PLCB4: variants seen among roughly 807,000 people sequenced by gnomAD.
PLCB4 encodes 1-phosphatidylinositol 4,5-bisphosphate phosphodiesterase beta-4.
Under a neutral mutation model 178.8 loss-of-function variants are expected in PLCB4, and 77 were observed. That is an observed-to-expected ratio of 0.43 (90% CI 0.36 to 0.52). PLCB4 has a LOEUF of 0.52. Ranked by LOEUF, PLCB4 falls within the 20% of genes least tolerant of loss-of-function variation. PLCB4 has a pLI of 0.00. For missense variants in PLCB4, 1,024 were observed against 1,453.4 expected (o/e 0.70, Z 4.80); for synonymous variants, 496 against 490.8 (o/e 1.01, Z -0.14).
rs576181773 is a variant in PLCB4, at chr20:9,228,918, C to G, written c.-16+11466C>G. ...TGAGAAGCAGATTCCTAAGAGGCAG[C>G]TGATATCAACAGGCCTGACTCGGGC... On this transcript the variant is annotated intron_variant, in intron 3 of 39. Coordinates refer to ENST00000378473, the MANE Select transcript of PLCB4 (RefSeq NM_001377142.1). Among the ~76,000 whole-genome samples the G allele has an allele frequency of 2.0e-5, 3 of 152,278 alleles. No individual in the cohort carries two copies. In the East Asian group the frequency reaches 5.8e-4, roughly 29 times the overall value.
intron 38 of PLCB4, among the ~76,000 whole-genome samples, chr20:9,474,806 G>C (rs2044436260): frequency 6.6e-6 from 1 of 152,078 alleles, no homozygotes; most frequent in Non-Finnish European, 1.5e-5. Context: ...ATACTTCCTA[G>C]TTATGTTTCC....
At chr20:9,383,393 C>A (rs776044644) in intron 13 of PLCB4, among the ~76,000 whole-genome samples, 11 of 152,162 alleles carry the variant, frequency 7.2e-5, no homozygotes, top group Non-Finnish European at 1.0e-4. Context: ...ATTATGCTAT[C>A]ATCTGAACAC....
At chr20:9,163,258 GA>G (rs991172159) in intron 2 of PLCB4, among the ~76,000 whole-genome samples, 5 of 152,108 alleles carry the variant, frequency 3.3e-5, no homozygotes, top group African/African-American at 9.7e-5. Context: ...CTGCCGGGAT[GA>G]AAAAAATAAC....
chr20:9,406,582 G>A (rs907500754), intron 21 of PLCB4, among the ~76,000 whole-genome samples: 1 of 151,304 alleles, frequency 6.6e-6, no homozygotes, highest in African/African-American at 2.4e-5. Context: ...TCTGCCCCCC[G>A]GGTTCACTTC....
chr20:9,187,020 G>C (rs1321988501), intron 2 of PLCB4, among the ~76,000 whole-genome samples: 5 of 152,022 alleles, frequency 3.3e-5, no homozygotes, highest in African/African-American at 1.2e-4. Flanking sequence ...TGTCACCCAG[G>C]CTGGAGTGCA....
At position 9,338,349 on chromosome 20, in the gene PLCB4, C is replaced by T. The variant is rs542067229; in HGVS notation, c.225+282C>T. Among the ~76,000 whole-genome samples the T allele has an allele frequency of 7.2e-5, 11 of 152,146 alleles. 1 individual carries two copies. The South Asian group carries it at 2.3e-3, about 32-fold the overall frequency. On this transcript the variant is annotated intron_variant, in intron 6 of 39. Coordinates refer to ENST00000378473, the MANE Select transcript of PLCB4 (RefSeq NM_001377142.1). ...CATATTCCAGGTCCTCCAATAACTA[C>T]AATCAAAACTCTAAACAAAGACCCT...
chr20:9,386,516 T>A (rs2037678766), intron 14 of PLCB4, among the ~76,000 whole-genome samples: 1 of 152,090 alleles, frequency 6.6e-6, no homozygotes, highest in Non-Finnish European at 1.5e-5. Flanking sequence ...TATGGAAATA[T>A]GTTAAAAGAA....
chr20:9,157,513 A>G (rs1414742425), intron 2 of PLCB4, among the ~76,000 whole-genome samples: 1 of 152,126 alleles, frequency 6.6e-6, no homozygotes, highest in African/African-American at 2.4e-5. Flanking sequence ...TTAAGTAGGG[A>G]GAGAAGGAAA....
At chr20:9,315,213 A>G (rs11908588) in intron 4 of PLCB4, among the ~76,000 whole-genome samples, 4,090 of 152,320 alleles carry the variant, frequency 0.027, 187 homozygotes, top group African/African-American at 0.094. Context: ...TGTATATTGT[A>G]TGTGAATTAT....
At chr20:9,322,639 G>C (rs1435761828) in intron 4 of PLCB4, among the ~76,000 whole-genome samples, 1 of 152,162 alleles carries the variant, frequency 6.6e-6, no homozygotes. Flanking sequence ...TACCTGAAAG[G>C]GCAGGTGATC....
At chr20:9,371,025 G>A in intron 9 of PLCB4, 189 bp from the exon 10 acceptor site, 1 of 564,804 alleles carries the variant, frequency 1.8e-6, no homozygotes, top group East Asian at 2.9e-5. Context: ...AGACTAACCA[G>A]CTCTGGGAAC....
chr20:9,154,791 TCTTTCCTTTCCTTTCTTTTC>T (rs1198513104), intron 2 of PLCB4, among the ~76,000 whole-genome samples: 1 of 135,972 alleles, frequency 7.4e-6, no homozygotes, highest in Non-Finnish European at 1.5e-5. Context: ...TTCCTTTCCC[TCTTTCCTTTCCTTTCTTTTC>T]CTTTCCTTTC....
At chr20:9,175,091 G>C (rs544853213) in intron 2 of PLCB4, among the ~76,000 whole-genome samples, 1 of 152,158 alleles carries the variant, frequency 6.6e-6, no homozygotes, top group East Asian at 1.9e-4. Flanking sequence ...AGCATTGGTT[G>C]TCACCATCAG....
chr20:9,402,569 G>T (rs1415591035), intron 20 of PLCB4, among the ~76,000 whole-genome samples: 1 of 152,208 alleles, frequency 6.6e-6, no homozygotes, highest in East Asian at 1.9e-4. Context: ...GTTGCCATAT[G>T]GAGACTAGTT....
rs767467260 is a variant in PLCB4, at chr20:9,408,734, A to T, written c.1874+17A>T. Reference sequence around the variant, plus strand: ...ATTTGTCAAGTATCCTTATGTATCAAGTGGAATGAGTGGTTGACTCACGTT... The same window carrying T: ...ATTTGTCAAGTATCCTTATGTATCATGTGGAATGAGTGGTTGACTCACGTT... On this transcript the variant is annotated intron_variant, in intron 23 of 39. Transcript: ENST00000378473. 9.2e-6 allele frequency: 12 copies of T among 1,305,332 alleles called. No individual in the cohort carries two copies. The highest frequency in any genetic ancestry group is 1.7e-5 in the Admixed American group (1 of 59,366). The allele number at this position is 1,305,332 out of a possible 1,614,324, so 80.9% of individuals were successfully genotyped here.
At chr20:9,252,903 C>G (rs760936411) in intron 3 of PLCB4, among the ~76,000 whole-genome samples, 1 of 152,102 alleles carries the variant, frequency 6.6e-6, no homozygotes, top group Non-Finnish European at 1.5e-5. Flanking sequence ...GTTTTTAGGC[C>G]TTCTGGTTTA....
intron 3 of PLCB4, among the ~76,000 whole-genome samples, chr20:9,256,741 A>G (rs888764747): frequency 5.9e-5 from 9 of 152,234 alleles, no homozygotes; most frequent in African/African-American, 2.2e-4. Flanking sequence ...CTGAGTTGGA[A>G]AATTAAATAA....
At chr20:9,153,295 G>T (rs1430265920) in intron 2 of PLCB4, among the ~76,000 whole-genome samples, 1 of 152,134 alleles carries the variant, frequency 6.6e-6, no homozygotes, top group Non-Finnish European at 1.5e-5. Context: ...GATTTTGTTT[G>T]CCTGTGTCCC....
intron 3 of PLCB4, among the ~76,000 whole-genome samples, chr20:9,290,447 T>C (rs901047279): frequency 3.3e-5 from 5 of 152,174 alleles, no homozygotes; most frequent in African/African-American, 1.2e-4. Flanking sequence ...TCCTTTCTAT[T>C]GCCTCTGGGC....
Sources: allele counts gnomAD v4.1 joint callset (sites outside exome capture counted in the v4.1 genomes callset), GRCh38; gene constraint gnomAD v4.1.1; transcripts MANE v1.5; gene names NCBI Gene and HGNC (gene_info 2026-07-23, HGNC 2026-07-21).